Variants in NEDD9 observed in about 807,000 individuals in gnomAD.
The protein encoded by NEDD9 is enhancer of filamentation 1.
In NEDD9, 26 loss-of-function variants were observed where a neutral mutation model predicts 76.6. The ratio of observed to expected loss-of-function variants is 0.34; its 90% CI spans 0.25 to 0.47. The LOEUF is 0.47. Ranked by LOEUF, NEDD9 falls within the 20% of genes least tolerant of loss-of-function variation. The pLI, the probability that NEDD9 is intolerant of heterozygous loss-of-function variation, is 1.00. For missense variants in NEDD9, 937 were observed against 1,058.5 expected (o/e 0.89, Z 1.59); for synonymous variants, 392 against 414.2 (o/e 0.95, Z 0.65).
intron 3 of NEDD9, among the ~76,000 whole-genome samples, chr6:11,293,633 T>C (rs1760825403): frequency 6.6e-6 from 1 of 152,204 alleles, no homozygotes; most frequent in Admixed American, 6.5e-5. Flanking sequence ...TGTGTGTGTG[T>C]GCGTGTTGAG....
intron 1 of NEDD9, 145 bp downstream of exon 1, chr6:11,232,359 G>A: frequency 1.0e-6 from 1 of 960,468 alleles, no homozygotes; most frequent in Non-Finnish European, 1.6e-6. Flanking sequence ...TTGTCTGCTT[G>A]CATGTCAACC....
At chr6:11,357,837 A>G (rs1227994681) in intron 1 of NEDD9, among the ~76,000 whole-genome samples, 1 of 152,214 alleles carries the variant, frequency 6.6e-6, no homozygotes, top group Non-Finnish European at 1.5e-5. Context: ...CGTCAGTTCT[A>G]CAAGATCGGC....
chr6:11,257,416 G>A (rs112597246), intron 3 of NEDD9, among the ~76,000 whole-genome samples: 4 of 152,304 alleles, frequency 2.6e-5, no homozygotes, highest in African/African-American at 7.2e-5. Flanking sequence ...ACAAGGATCT[G>A]GAGAGGGAAG....
Position 11,213,426 on chromosome 6 carries a change from A to C in NEDD9, c.314T>G (p.Ile105Ser). Residue 105 changes from isoleucine (I) to serine (S), a missense_variant, in exon 2 of 7, where the codon ATC becomes AGC. Transcript: ENST00000379446. The surrounding 1 kb of genome is among the most constrained non-coding windows in gnomAD (Gnocchi z 5.4). ...TTGGTAGGAAGGTGGCACTTGGTAG[A>C]TGGTGTCTCGGGGAGCAGCCTGTGG... ...PNPQAAPRDT[I>S]YQVPPSYQNQ... 2 of 1,613,924 alleles carry C rather than the reference A, an allele frequency of 1.2e-6. No individual in the cohort carries two copies. Among genetic ancestry groups the C allele is most frequent in the Non-Finnish European group, 1.7e-6 (2 of 1,179,986 alleles).
At chr6:11,318,200 A>G (rs1761634229) in intron 2 of NEDD9, among the ~76,000 whole-genome samples, 1 of 152,202 alleles carries the variant, frequency 6.6e-6, no homozygotes, top group Non-Finnish European at 1.5e-5. Flanking sequence ...TTGCCAACTC[A>G]TTCTGCAGAT....
intron 1 of NEDD9, chr6:11,214,336 G>A (rs974344823): frequency 1.5e-5 from 6 of 395,632 alleles, no homozygotes; most frequent in Admixed American, 3.4e-5. Flanking sequence ...GCCATCAAGC[G>A]TGGAGCATAG....
Position 11,213,169 on chromosome 6 carries a change from A to G in NEDD9, c.459+112T>C. 1.0e-6 allele frequency: 1 copy of G among 993,260 alleles called. No individual in the cohort carries two copies. Among genetic ancestry groups the G allele is most frequent in the Non-Finnish European group, 1.5e-6 (1 of 679,918 alleles). The allele number at this position is 993,260 out of a possible 1,614,324, so 61.5% of individuals were successfully genotyped here. A position where few individuals can be genotyped will look rare whatever the true frequency, so the allele number is the denominator to read the frequency against. ...ATGCCTGAGCTAAGGTATTGGTTAT[A>G]TCTACTTCTTGGCAGCTTCAAGTTA... On this transcript the variant is annotated intron_variant, in intron 2 of 6. Coordinates refer to ENST00000379446, the MANE Select transcript of NEDD9 (RefSeq NM_006403.4). The surrounding 1 kb of genome is among the most constrained non-coding windows in gnomAD (Gnocchi z 5.4).
chr6:11,297,389 G>A (rs999492712), intron 3 of NEDD9, among the ~76,000 whole-genome samples: 4 of 152,144 alleles, frequency 2.6e-5, no homozygotes, highest in African/African-American at 9.7e-5. Flanking sequence ...TTTATTTGCT[G>A]AGGCTTCTTG....
intron 3 of NEDD9, among the ~76,000 whole-genome samples, chr6:11,271,227 C>T (rs6905249): frequency 2.0e-5 from 3 of 151,920 alleles, no homozygotes; most frequent in Admixed American, 1.3e-4. Flanking sequence ...TGTAGAAATG[C>T]GGTCTCATTT....
chr6:11,192,461 G>T lies in NEDD9; in HGVS notation c.562-15C>A. ...ATGTCGTATACCTGAAGAGAAACCCGTGAGTTACCCAGAATGGAAATGTCT... is the reference window on the plus strand; with the variant it reads ...ATGTCGTATACCTGAAGAGAAACCCTTGAGTTACCCAGAATGGAAATGTCT... On this transcript the variant is annotated splice_polypyrimidine_tract_variant and intron_variant, in intron 3 of 6. Transcript: ENST00000379446. The T allele has an allele frequency of 1.3e-6, 2 of 1,577,844 alleles. No individual in the cohort carries two copies. Among genetic ancestry groups the T allele is most frequent in the African/African-American group, 2.7e-5 (2 of 74,056 alleles).
At chr6:11,220,531 G>A (rs375972625) in intron 1 of NEDD9, among the ~76,000 whole-genome samples, 2 of 152,190 alleles carry the variant, frequency 1.3e-5, no homozygotes, top group African/African-American at 2.4e-5. Flanking sequence ...GTGGGGCAGC[G>A]CCCTGTGTGT....
intron 3 of NEDD9, among the ~76,000 whole-genome samples, chr6:11,250,857 C>T (rs1465765070): frequency 6.6e-6 from 1 of 152,146 alleles, no homozygotes; most frequent in Non-Finnish European, 1.5e-5. Flanking sequence ...TAAAATGATT[C>T]TTTTTACTGA....
intron 2 of NEDD9, among the ~76,000 whole-genome samples, chr6:11,205,330 C>T (rs552443023): frequency 6.6e-6 from 1 of 152,174 alleles, no homozygotes; most frequent in Non-Finnish European, 1.5e-5. Flanking sequence ...TTGGGGTCAC[C>T]CCCACTTTAG....
chr6:11,379,111 C>T (rs1012872717), intron 1 of NEDD9, among the ~76,000 whole-genome samples: 1 of 152,192 alleles, frequency 6.6e-6, no homozygotes, highest in Non-Finnish European at 1.5e-5. Context: ...CATACAATTC[C>T]AGCCCAGTGG....
chr6:11,222,683 C>T (rs568471843), intron 1 of NEDD9, among the ~76,000 whole-genome samples: 7 of 152,220 alleles, frequency 4.6e-5, no homozygotes, highest in Non-Finnish European at 2.9e-5. Context: ...CAGAGAAATA[C>T]TTTAAAGTTG....
At chr6:11,235,073 A>G (rs534951216), upstream of NEDD9, among the ~76,000 whole-genome samples, 1 of 152,200 alleles carries the variant, frequency 6.6e-6, no homozygotes, top group Non-Finnish European at 1.5e-5. This position sits in a 1 kb window ranked among gnomAD's most constrained non-coding sequence, Gnocchi z 4.1. Context: ...AATACCTGCT[A>G]GCCTCATAAT....
At chr6:11,249,676 G>A (rs1385105116) in intron 3 of NEDD9, among the ~76,000 whole-genome samples, 1 of 152,192 alleles carries the variant, frequency 6.6e-6, no homozygotes, top group East Asian at 1.9e-4. Context: ...TTGGCCACAA[G>A]TACCTACTAG....
At chr6:11,276,751 A>C (rs926225312) in intron 3 of NEDD9, among the ~76,000 whole-genome samples, 3 of 152,198 alleles carry the variant, frequency 2.0e-5, no homozygotes, top group Non-Finnish European at 4.4e-5. Context: ...TTTACTCAGG[A>C]GAGCACAGTA....
At chr6:11,375,938 C>T (rs555612752) in intron 1 of NEDD9, among the ~76,000 whole-genome samples, 112 of 152,276 alleles carry the variant, frequency 7.4e-4, no homozygotes, top group Middle Eastern at 3.4e-3. Context: ...CATTCTCCTG[C>T]CTTAGCCTCC....
Sources: gnomAD v4.1 joint callset for allele counts (sites outside exome capture counted in the v4.1 genomes callset) on GRCh38, gnomAD v4.1.1 for gene constraint, Gnocchi (gnomAD v3.1) non-coding constraint, MANE v1.5 for transcripts, NCBI Gene and HGNC (gene_info 2026-07-23, HGNC 2026-07-21) for gene names.